The following CDON variants were observed in gnomAD, a reference collection of about 807,000 sequenced individuals.
CDON encodes the protein cell adhesion molecule-related/down-regulated by oncogenes.
Under a neutral mutation model 120.9 loss-of-function variants are expected in CDON, and 73 were observed. The ratio of observed to expected loss-of-function variants is 0.60; its 90% CI spans 0.50 to 0.73. CDON has a LOEUF of 0.73. Among genes scored for constraint, CDON ranks in the 30% least tolerant of loss-of-function variants. CDON has a pLI of 0.00. For missense variants in CDON, 1,470 were observed against 1,587.3 expected (o/e 0.93, Z 1.26); for synonymous variants, 566 against 573.5 (o/e 0.99, Z 0.19).
At chr11:126,054,838 T>C (rs1948646551) in intron 1 of CDON, among the ~76,000 whole-genome samples, 1 of 152,144 alleles carries the variant, frequency 6.6e-6, no homozygotes, top group Non-Finnish European at 1.5e-5. Context: ...GAAAATCACA[T>C]TGTCCTTAAG....
chr11:126,045,984 A>AT (rs1399583287), intron 1 of CDON, among the ~76,000 whole-genome samples: 1 of 151,342 alleles, frequency 6.6e-6, no homozygotes, highest in East Asian at 1.9e-4. Context: ...AAAAAAACAA[A>AT]AACAAAAAAA....
intron 5 of CDON, 85 bp downstream of exon 5, chr11:126,018,244 AT>A: frequency 2.9e-6 from 4 of 1,373,148 alleles, no homozygotes; most frequent in Non-Finnish European, 3.1e-6. Context: ...AACAAACAGG[AT>A]TTGAAAAAAA....
chr11:126,003,458 C>G (rs1205534948), intron 10 of CDON, among the ~76,000 whole-genome samples: 1 of 152,120 alleles, frequency 6.6e-6, no homozygotes, highest in East Asian at 1.9e-4. Context: ...GTAAATGTGA[C>G]CCCAAAATGG....
At chr11:126,030,386 G>C (rs577464871) in intron 1 of CDON, among the ~76,000 whole-genome samples, 1 of 152,296 alleles carries the variant, frequency 6.6e-6, no homozygotes, top group Non-Finnish European at 1.5e-5. Context: ...GATGAAGGCT[G>C]TCTTTCTGAA....
chr11:125,969,777 A>C (rs1024110689), intron 18 of CDON, among the ~76,000 whole-genome samples: 2 of 152,236 alleles, frequency 1.3e-5, no homozygotes, highest in Non-Finnish European at 2.9e-5. Context: ...GACCAATCTG[A>C]AAGATAGGAA....
chr11:125,963,781 C>G (rs889016124), intron 18 of CDON, among the ~76,000 whole-genome samples: 1 of 152,184 alleles, frequency 6.6e-6, no homozygotes, highest in Non-Finnish European at 1.5e-5. Context: ...TCTAATACGA[C>G]TCTGATTTTA....
intron 15 of CDON, among the ~76,000 whole-genome samples, chr11:125,985,279 T>C: frequency 6.6e-6 from 1 of 152,204 alleles, no homozygotes; most frequent in East Asian, 1.9e-4. Context: ...GTTCCAGCGA[T>C]TCTCCTGCCT....
chr11:125,978,516 C>A, intron 17 of CDON, 133 bp from the exon 18 acceptor site: 2 of 698,542 alleles, frequency 2.9e-6, no homozygotes. Flanking sequence ...ATATTCTAAC[C>A]AACTCCCAGA....
intron 7 of CDON, among the ~76,000 whole-genome samples, chr11:126,013,729 A>C (rs1420402068): frequency 6.6e-6 from 1 of 152,066 alleles, no homozygotes; most frequent in African/African-American, 2.4e-5. Context: ...TAGACTTTAC[A>C]AAGGGCCAAC....
chr11:125,981,403 CATGCACACATGCACAT>C, intron 16 of CDON, 74 bp from the exon 17 acceptor site: 36 of 1,418,704 alleles, frequency 2.5e-5, no homozygotes, highest in Non-Finnish European at 3.3e-5. Flanking sequence ...CGCACACACG[CATGCACACATGCACAT>C]ACGCACACAC....
chr11:126,014,353 T>C (rs930170860), intron 7 of CDON, among the ~76,000 whole-genome samples: 4 of 152,110 alleles, frequency 2.6e-5, no homozygotes, highest in Non-Finnish European at 4.4e-5. Flanking sequence ...AAAAGAAATA[T>C]AGATTAAATG....
intron 15 of CDON, among the ~76,000 whole-genome samples, chr11:125,985,635 T>C (rs1200779855): frequency 6.6e-6 from 1 of 152,158 alleles, no homozygotes; most frequent in Non-Finnish European, 1.5e-5. Context: ...TTATACCGAA[T>C]CTCCTGTTAT....
intron 12 of CDON, among the ~76,000 whole-genome samples, chr11:125,996,147 T>C (rs1254419904): frequency 3.5e-5 from 5 of 142,698 alleles, no homozygotes; most frequent in African/African-American, 1.3e-4. Flanking sequence ...TTTCCTCTTA[T>C]TCAGTCACAG....
At position 125,989,648 on chromosome 11, in the gene CDON, C is replaced by G; in HGVS notation, c.2762G>C (p.Cys921Ser). The G allele has an allele frequency of 6.2e-7, 1 of 1,613,236 alleles. No individual in the cohort carries two copies. Residue 921 changes from cysteine to serine, a missense_variant, in exon 15 of 20, where the codon TGC becomes TCC. Cys to Ser is a moderately radical substitution (Grantham distance 112). Coordinates refer to ENST00000531738, the MANE Select transcript of CDON (RefSeq NM_001378964.1). ...GESEFSNVMI[C>S]ETKVKRVPGA... ...AAAAATTCTCCTACCTTTAGTCTCG[C>G]AGATCATCACATTGCTAAATTCACT...
chr11:125,969,005 T>A (rs1945883079), intron 18 of CDON, among the ~76,000 whole-genome samples: 1 of 152,204 alleles, frequency 6.6e-6, no homozygotes, highest in African/African-American at 2.4e-5. Context: ...ACTATTATTA[T>A]TATTATCATT....
At chr11:125,977,028 C>T (rs980103329) in intron 18 of CDON, among the ~76,000 whole-genome samples, 16 of 152,144 alleles carry the variant, frequency 1.1e-4, no homozygotes, top group Admixed American at 8.5e-4. Context: ...TAAGCAAGAC[C>T]ACTTGTAACT....
intron 1 of CDON, among the ~76,000 whole-genome samples, chr11:126,029,324 A>T (rs191491357): frequency 6.6e-6 from 1 of 152,326 alleles, no homozygotes; most frequent in Admixed American, 6.5e-5. Context: ...GACAAAAAAC[A>T]ACGTGGACAC....
rs1395646088 is a variant in CDON, at chr11:126,059,944, A to C, written c.-62+2635T>G. ...AAACTTGAAGGATTAAAAAAAAAAA[A>C]ACCAAGAAACCAGTTTTTCATTTAA... On this transcript the variant is annotated intron_variant, in intron 1 of 19. Transcript: ENST00000531738. Among the ~76,000 whole-genome samples the C allele has an allele frequency of 2.6e-5, 4 of 152,036 alleles. 1 individual carries two copies. In the East Asian group the frequency reaches 7.7e-4, roughly 29 times the overall value.
intron 12 of CDON, among the ~76,000 whole-genome samples, chr11:125,996,399 TA>T (rs1341161877): frequency 4.6e-5 from 7 of 152,080 alleles, no homozygotes; most frequent in African/African-American, 1.7e-4. Flanking sequence ...TATTGGATAA[TA>T]AAACAATATT....
Sources: allele counts gnomAD v4.1 joint callset (sites outside exome capture counted in the v4.1 genomes callset), GRCh38; gene constraint gnomAD v4.1.1; transcripts MANE v1.5; gene names NCBI Gene and HGNC (gene_info 2026-07-23, HGNC 2026-07-21).